Variants in KAT6B observed in about 807,000 individuals in gnomAD.
KAT6B encodes histone acetyltransferase KAT6B.
In KAT6B, 10 loss-of-function variants were observed where a neutral mutation model predicts 187.5. The ratio of observed to expected loss-of-function variants is 0.05; its 90% CI spans 0.03 to 0.09. KAT6B has a LOEUF of 0.09. Among genes scored for constraint, KAT6B ranks in the 10% least tolerant of loss-of-function variants. KAT6B has a pLI of 1.00. For synonymous variants in KAT6B, 861 were observed against 926.8 expected (o/e 0.93, Z 1.29); for missense variants, 1,952 against 2,558.9 (o/e 0.76, Z 5.12).
chr10:74,911,036 C>T (rs1007142666), intron 3 of KAT6B, among the ~76,000 whole-genome samples: 4 of 151,968 alleles, frequency 2.6e-5, no homozygotes, highest in Non-Finnish European at 5.9e-5. Flanking sequence ...AACATCTTTC[C>T]TCTAAAATCC....
At chr10:74,882,127 T>C (rs528736853) in intron 3 of KAT6B, among the ~76,000 whole-genome samples, 24 of 152,354 alleles carry the variant, frequency 1.6e-4, no homozygotes, top group Middle Eastern at 3.4e-3. Context: ...CATCTTCCAC[T>C]TTAACTTCAC....
At chr10:74,836,464 A>G (rs1841317386) in intron 1 of KAT6B, among the ~76,000 whole-genome samples, 1 of 152,148 alleles carries the variant, frequency 6.6e-6, no homozygotes, top group Non-Finnish European at 1.5e-5. Flanking sequence ...TCCCCATAGT[A>G]CCTACCACAG....
rs115402737 is a variant in KAT6B at position 74,896,693 on chromosome 10, C to T, written c.621+53215C>T. On this transcript the variant is annotated intron_variant, in intron 3 of 17. Coordinates refer to ENST00000287239, the MANE Select transcript of KAT6B (RefSeq NM_012330.4). ...CCAATTGTGCTTCCAAATATGCTTT[C>T]TCTTCTAATTTTATCTGCTAAGATT... Among the ~76,000 whole-genome samples, 1,374 of 152,296 alleles carry T rather than the reference C, an allele frequency of 9.0e-3. 21 individuals carry two copies. Among genetic ancestry groups the T allele is most frequent in the African/African-American group, 0.032 (1,315 of 41,566 alleles).
chr10:74,949,960 C>T (rs1421770687), intron 3 of KAT6B, among the ~76,000 whole-genome samples: 2 of 152,194 alleles, frequency 1.3e-5, no homozygotes, highest in African/African-American at 4.8e-5. Flanking sequence ...GATCTCCATA[C>T]ATTAACAATA....
chr10:74,961,861 A>T (rs999677286), intron 4 of KAT6B, among the ~76,000 whole-genome samples: 2 of 152,196 alleles, frequency 1.3e-5, no homozygotes, highest in Non-Finnish European at 2.9e-5. Flanking sequence ...CTCTTTTAAC[A>T]AATGGAGAAT....
intron 3 of KAT6B, among the ~76,000 whole-genome samples, chr10:74,856,117 G>A (rs1398817270): frequency 1.3e-5 from 2 of 151,966 alleles, no homozygotes; most frequent in East Asian, 1.9e-4. Flanking sequence ...ATGGAGTCTC[G>A]CTCTGTTGCC....
At chr10:74,872,884 C>A (rs1409135986) in intron 3 of KAT6B, among the ~76,000 whole-genome samples, 7 of 152,006 alleles carry the variant, frequency 4.6e-5, no homozygotes, top group Admixed American at 1.3e-4. Context: ...AGAAAACTTA[C>A]TGTAAAGGAC....
intron 3 of KAT6B, among the ~76,000 whole-genome samples, chr10:74,909,169 G>A (rs1386333239): frequency 2.6e-5 from 4 of 152,220 alleles, no homozygotes; most frequent in African/African-American, 4.8e-5. Flanking sequence ...TCAGGAGTTC[G>A]AGACTAGCCT....
At chr10:74,826,048 G>GCGCGCCCGCC (rs1310479881), upstream of KAT6B, among the ~76,000 whole-genome samples, 1 of 151,646 alleles carries the variant, frequency 6.6e-6, no homozygotes, top group African/African-American at 2.4e-5. Flanking sequence ...GCCCGCCCGC[G>GCGCGCCCGCC]CGCGCCCGCC....
chr10:74,903,634 T>G (rs1371900172), intron 3 of KAT6B, among the ~76,000 whole-genome samples: 2 of 152,056 alleles, frequency 1.3e-5, no homozygotes, highest in African/African-American at 4.8e-5. Context: ...AAGAGCAGAG[T>G]CTGGCTGACA....
At chr10:74,929,599 G>T (rs961987768) in intron 3 of KAT6B, among the ~76,000 whole-genome samples, 1 of 152,082 alleles carries the variant, frequency 6.6e-6, no homozygotes, top group East Asian at 1.9e-4. Flanking sequence ...CATCAGTTGG[G>T]CAAATTGTTT....
chr10:75,007,872 GAC>G (rs578035743), intron 13 of KAT6B, among the ~76,000 whole-genome samples: 1 of 152,294 alleles, frequency 6.6e-6, no homozygotes. Context: ...TTTAAAGAGA[GAC>G]ACAGTTTTCA....
At chr10:75,027,264 A>G (rs556084833) in intron 17 of KAT6B, among the ~76,000 whole-genome samples, 5 of 152,240 alleles carry the variant, frequency 3.3e-5, no homozygotes, top group African/African-American at 4.8e-5. Flanking sequence ...GAAACATTCT[A>G]CATCACATAT....
At chr10:74,974,643 C>A (rs573950874) in intron 7 of KAT6B, among the ~76,000 whole-genome samples, 2 of 152,208 alleles carry the variant, frequency 1.3e-5, no homozygotes, top group Admixed American at 6.5e-5. Context: ...AAGATTCTGA[C>A]GCCAAGTGTC....
At chr10:74,913,686 A>G (rs1050963489) in intron 3 of KAT6B, among the ~76,000 whole-genome samples, 13 of 152,196 alleles carry the variant, frequency 8.5e-5, no homozygotes, top group African/African-American at 3.1e-4. Flanking sequence ...TGCCCTTTTG[A>G]GGGTGAATAC....
At chr10:74,935,697 T>C (rs916645005) in intron 3 of KAT6B, among the ~76,000 whole-genome samples, 1 of 152,238 alleles carries the variant, frequency 6.6e-6, no homozygotes, top group Admixed American at 6.5e-5. Flanking sequence ...GGAGAAGCAC[T>C]GTACCAGTTG....
chr10:74,976,071 T>A lies in KAT6B; in HGVS notation c.1734T>A (p.Ser578=), dbSNP rs1842141812. 1.2e-6 allele frequency: 2 copies of A among 1,614,194 alleles called. No individual in the cohort carries two copies. Among genetic ancestry groups the A allele is most frequent in the Non-Finnish European group, 1.7e-6 (2 of 1,180,048 alleles). The stretch of plus-strand genomic sequence containing the variant: ...GTATGCGTCGTAAAACTGAATTATC[T>A]TCCACGGCAAAATCTAAAGCCCACT... ...PKRMRRKTEL[S]STAKSKAHFF... Residue 578 remains serine, a synonymous_variant, in exon 8 of 18, where the codon TCT becomes TCA. Transcript: ENST00000287239.
intron 3 of KAT6B, among the ~76,000 whole-genome samples, chr10:74,890,531 G>A (rs1268856191): frequency 6.6e-6 from 1 of 152,096 alleles, no homozygotes; most frequent in African/African-American, 2.4e-5. Flanking sequence ...GACAGAGCAA[G>A]ACTCCGTCTC....
chr10:75,021,260 A>C lies in KAT6B; in HGVS notation c.2996A>C (p.Glu999Ala). 2.5e-6 allele frequency: 4 copies of C among 1,614,172 alleles called. No homozygotes were observed. Among genetic ancestry groups the C allele is most frequent in the Non-Finnish European group, 3.4e-6 (4 of 1,180,014 alleles). Residue 999 changes from glutamate (E) to alanine (A), a missense_variant, in exon 15 of 18, where the codon GAA (glutamate) becomes GCA (alanine). Physicochemically the swap from Glu to Ala is moderately radical, Grantham distance 107 (BLOSUM62 -1). This residue lies in a region of KAT6B where 758 missense variants were observed against 891.4 expected (regional missense o/e 0.85). Transcript: ENST00000287239. Reference protein sequence around the residue: ...PILISNAAVSEEEREAEKEAE... With the variant: ...PILISNAAVSAEEREAEKEAE... Reference sequence around the variant, plus strand: ...TTAATTTCTAATGCTGCAGTGTCTGAAGAAGAGCGAGAAGCTGAGAAAGAG... The same window carrying C: ...TTAATTTCTAATGCTGCAGTGTCTGCAGAAGAGCGAGAAGCTGAGAAAGAG...
Sources: allele counts gnomAD v4.1 joint callset (sites outside exome capture counted in the v4.1 genomes callset), GRCh38; gene constraint gnomAD v4.1.1; regional missense constraint gnomAD v4.1.1; transcripts MANE v1.5; gene names NCBI Gene and HGNC (gene_info 2026-07-23, HGNC 2026-07-21).